Variants in GRIP1 observed in about 807,000 individuals in gnomAD.
GRIP1 encodes the protein glutamate receptor-interacting protein 1.
In GRIP1, 45 loss-of-function variants were observed where a neutral mutation model predicts 129.9. The observed-to-expected ratio is 0.35, with a 90% CI of 0.27 to 0.44. The LOEUF (loss-of-function observed/expected upper bound fraction) is 0.44, where lower values mean the gene tolerates loss of function less well. Ranked by LOEUF, GRIP1 falls within the 20% of genes least tolerant of loss-of-function variation. The pLI is 1.00. For synonymous variants in GRIP1, 530 were observed against 520.8 expected, an observed-to-expected ratio of 1.02 and a Z score of -0.24; for missense variants, 1,196 against 1,396.8, an observed-to-expected ratio of 0.86 and a Z score of 2.29.
At chr12:66,664,924 T>C (rs955917432) in intron 1 of GRIP1, among the ~76,000 whole-genome samples, 3 of 152,160 alleles carry the variant, frequency 2.0e-5, no homozygotes, top group Non-Finnish European at 2.9e-5. Context: ...CCTTCCTCAA[T>C]AGGAATTTTT....
intron 1 of GRIP1, among the ~76,000 whole-genome samples, chr12:67,065,519 TTA>T (rs1181759411): frequency 1.3e-5 from 2 of 152,176 alleles, no homozygotes; most frequent in Non-Finnish European, 2.9e-5. Context: ...TATAATTAGA[TTA>T]TATATATTTG....
intron 9 of GRIP1, among the ~76,000 whole-genome samples, chr12:66,459,586 T>C (rs10219502): frequency 0.41 from 63,097 of 152,072 alleles, 14,001 homozygotes; most frequent in African/African-American, 0.55. Flanking sequence ...TATTGCTTTC[T>C]CAGACTGTGC....
At chr12:66,865,558 T>C (rs1388826795) in intron 1 of GRIP1, among the ~76,000 whole-genome samples, 1 of 151,720 alleles carries the variant, frequency 6.6e-6, no homozygotes, top group Non-Finnish European at 1.5e-5. Context: ...TTTTAAAAGG[T>C]CAACAACACA....
At chr12:66,985,911 A>T (rs1431999900) in intron 1 of GRIP1, among the ~76,000 whole-genome samples, 1 of 152,186 alleles carries the variant, frequency 6.6e-6, no homozygotes, top group African/African-American at 2.4e-5. Flanking sequence ...TTTCATTCTG[A>T]TTAAAAGTAC....
intron 1 of GRIP1, among the ~76,000 whole-genome samples, chr12:66,675,977 C>T (rs2034308941): frequency 6.6e-6 from 1 of 152,112 alleles, no homozygotes; most frequent in South Asian, 2.1e-4. Flanking sequence ...CAGAGAAGTG[C>T]TAAGTTTACC....
chr12:66,801,342 T>C (rs1281246791), intron 1 of GRIP1, among the ~76,000 whole-genome samples: 1 of 152,084 alleles, frequency 6.6e-6, no homozygotes, highest in Non-Finnish European at 1.5e-5. Flanking sequence ...TTGACATACA[T>C]CAAGTCAATA....
chr12:66,487,521 T>C (rs1253546202), intron 7 of GRIP1, among the ~76,000 whole-genome samples: 1 of 152,066 alleles, frequency 6.6e-6, no homozygotes, highest in Non-Finnish European at 1.5e-5. Context: ...TACCAGCCAC[T>C]ACAAAAACAC....
intron 1 of GRIP1, among the ~76,000 whole-genome samples, chr12:66,626,354 T>A (rs1250874293): frequency 5.8e-5 from 8 of 137,862 alleles, no homozygotes; most frequent in South Asian, 2.3e-4. Flanking sequence ...AAAAAAAAAG[T>A]ATATTTACTT....
chr12:66,544,544 C>A (rs1459428189), intron 2 of GRIP1, among the ~76,000 whole-genome samples: 1 of 152,088 alleles, frequency 6.6e-6, no homozygotes. Context: ...TGTCTTCTAG[C>A]CAATCTGCTG....
intron 1 of GRIP1, among the ~76,000 whole-genome samples, chr12:66,961,548 T>C (rs1371690708): frequency 6.6e-6 from 1 of 152,212 alleles, no homozygotes; most frequent in South Asian, 2.1e-4. Flanking sequence ...TTAACCTGTA[T>C]CTGTTGATGT....
chr12:66,593,923 CTG>C (rs1432462613), intron 2 of GRIP1, among the ~76,000 whole-genome samples: 2 of 151,886 alleles, frequency 1.3e-5, no homozygotes, highest in Non-Finnish European at 2.9e-5. Context: ...AAAAAATTAG[CTG>C]GGTGTGGTGG....
chr12:66,721,500 C>T (rs1049954909), intron 1 of GRIP1, among the ~76,000 whole-genome samples: 5 of 152,122 alleles, frequency 3.3e-5, no homozygotes, highest in African/African-American at 7.2e-5. Flanking sequence ...GTCTTGAACT[C>T]CTGAACTCAG....
chr12:66,681,536 C>G (rs1158135589), upstream of GRIP1, among the ~76,000 whole-genome samples: 1 of 152,164 alleles, frequency 6.6e-6, no homozygotes, highest in Non-Finnish European at 1.5e-5. Context: ...ACCTACATTT[C>G]TTGGCTACCA....
intron 1 of GRIP1, among the ~76,000 whole-genome samples, chr12:66,825,868 A>C (rs1213528906): frequency 6.6e-6 from 1 of 152,216 alleles, no homozygotes; most frequent in African/African-American, 2.4e-5. Flanking sequence ...TTGGGAGTTA[A>C]ATTAGTTCAA....
chr12:66,877,965 T>C (rs796157829), intron 1 of GRIP1, among the ~76,000 whole-genome samples: 21 of 152,252 alleles, frequency 1.4e-4, no homozygotes, highest in African/African-American at 5.1e-4. Context: ...CAAGGTATGG[T>C]AATTTTAACT....
At chr12:66,476,038 T>G (rs896076995) in intron 7 of GRIP1, among the ~76,000 whole-genome samples, 4 of 151,834 alleles carry the variant, frequency 2.6e-5, no homozygotes, top group African/African-American at 9.7e-5. Context: ...CTGAAGGGGA[T>G]AGAGACACAA....
intron 1 of GRIP1, among the ~76,000 whole-genome samples, chr12:66,852,889 A>G (rs2039938785): frequency 6.6e-6 from 1 of 151,936 alleles, no homozygotes; most frequent in Non-Finnish European, 1.5e-5. Context: ...AAATATTGCA[A>G]ATCATTAGTG....
chr12:66,677,511 A>G (rs371735485), intron 1 of GRIP1, among the ~76,000 whole-genome samples: 2 of 152,210 alleles, frequency 1.3e-5, no homozygotes, highest in South Asian at 2.1e-4. Flanking sequence ...ATAGTCTCTT[A>G]GTCATGATTT....
intron 14 of GRIP1, among the ~76,000 whole-genome samples, chr12:66,425,967 TATA>T (rs1332917687): frequency 6.6e-6 from 1 of 152,058 alleles, no homozygotes; most frequent in Non-Finnish European, 1.5e-5. Context: ...AAACTTAAAG[TATA>T]ATAATAATAA....
Sources: gnomAD v4.1 joint callset for allele counts (sites outside exome capture counted in the v4.1 genomes callset) on GRCh38, gnomAD v4.1.1 for gene constraint, MANE v1.5 for transcripts, NCBI Gene and HGNC (gene_info 2026-07-23, HGNC 2026-07-21) for gene names.